The following HEATR4 variants were observed in gnomAD, a reference collection of about 807,000 sequenced individuals.
HEATR4 encodes HEAT repeat containing 4.
HEATR4 carries 95 observed loss-of-function variants against 108.8 expected under a neutral mutation model. The ratio of observed to expected loss-of-function variants is 0.87; its 90% CI spans 0.74 to 1.04. HEATR4 has a LOEUF of 1.04. Ranked by LOEUF, HEATR4 falls within the 50% of genes least tolerant of loss-of-function variation. The pLI is 0.00. For missense variants in HEATR4, 1,152 were observed against 1,253.8 expected (o/e 0.92, Z 1.23); for synonymous variants, 443 against 459.4 (o/e 0.96, Z 0.46).
Position 73,523,186 on chromosome 14 carries a change from C to T in HEATR4, c.-34G>A. The T allele has an allele frequency of 2.0e-6, 3 of 1,529,230 alleles. No homozygotes were observed. Among genetic ancestry groups the T allele is most frequent in the Non-Finnish European group, 2.6e-6 (3 of 1,143,272 alleles). 94.7% of individuals were successfully genotyped at this position (1,529,230 alleles called of 1,614,324 possible). A position where few individuals can be genotyped will look rare whatever the true frequency, so the allele number is the denominator to read the frequency against. ...CCAGCAAATGCTTCCTTCCACACTG[C>T]CTGGCCTAGAGGAAAGGCCTGGAGA... On this transcript the variant is annotated 5_prime_UTR_variant, in exon 3 of 18. Coordinates refer to ENST00000553558, the MANE Select transcript of HEATR4 (RefSeq NM_001220484.1).
intron 1 of HEATR4, among the ~76,000 whole-genome samples, chr14:73,551,163 CAA>C (rs1193889398): frequency 7.2e-5 from 6 of 83,246 alleles, no homozygotes; most frequent in Non-Finnish European, 1.0e-4. Flanking sequence ...GACTCCGTCT[CAA>C]AAAAAAAAAA....
chr14:73,579,265 TAAAAAAAAA>T, the HEATR4 span, among the ~76,000 whole-genome samples: 5,847 of 70,916 alleles, frequency 0.082, 223 homozygotes, highest in African/African-American at 0.14. Flanking sequence ...TCAAAAAAAT[TAAAAAAAAA>T]AAAAAAAAAA....
At chr14:73,590,409 G>A in the HEATR4 span, among the ~76,000 whole-genome samples, 2 of 152,274 alleles carry the variant, frequency 1.3e-5, no homozygotes, top group Non-Finnish European at 2.9e-5. Context: ...GAGTCCAGCT[G>A]GCTTCACCCA....
At chr14:73,572,381 A>T in the HEATR4 span, among the ~76,000 whole-genome samples, 21,690 of 151,936 alleles carry the variant, frequency 0.14, 2,336 homozygotes, top group Non-Finnish European at 0.22. Flanking sequence ...TCTCCAAACC[A>T]CTGTTGAGTG....
intron 7 of HEATR4, among the ~76,000 whole-genome samples, chr14:73,510,748 C>G (rs1440623206): frequency 6.6e-6 from 1 of 152,090 alleles, no homozygotes; most frequent in Non-Finnish European, 1.5e-5. Flanking sequence ...GGCTGCAGTT[C>G]TTGAGGCTGT....
chr14:73,630,462 T>A, the HEATR4 span, among the ~76,000 whole-genome samples: 1 of 152,220 alleles, frequency 6.6e-6, no homozygotes, highest in Non-Finnish European at 1.5e-5. Context: ...CCTACAACTG[T>A]CTTGGTAAAT....
Position 73,537,526 on chromosome 14 carries a change from C to T in HEATR4, c.-151-7282G>A, listed in dbSNP as rs1405771176. On this transcript the variant is annotated intron_variant, in intron 1 of 17. Transcript: ENST00000553558. ...CCCCGGAGCAGCCGGTCACGCTGCGCGCGTCCCTGCGCGACGAGAAGGGCG... is the reference window on the plus strand; with the variant it reads ...CCCCGGAGCAGCCGGTCACGCTGCGTGCGTCCCTGCGCGACGAGAAGGGCG... The T allele has an allele frequency of 2.5e-6, 3 of 1,209,994 alleles. 1 individual carries two copies. The Admixed American group carries it at 8.2e-5, about 33-fold the overall frequency. The allele number at this position is 1,209,994 out of a possible 1,614,324, so 75.0% of individuals were successfully genotyped here. A position where few individuals can be genotyped will look rare whatever the true frequency, so the allele number is the denominator to read the frequency against.
At chr14:73,595,791 G>T in the HEATR4 span, 2 of 1,124,820 alleles carry the variant, frequency 1.8e-6, no homozygotes, top group Non-Finnish European at 2.4e-6. Context: ...TAACTTTGTT[G>T]AATAAGCTTT....
At chr14:73,580,141 G>A in the HEATR4 span, among the ~76,000 whole-genome samples, 2 of 151,908 alleles carry the variant, frequency 1.3e-5, no homozygotes, top group Non-Finnish European at 2.9e-5. Context: ...GCAGGGGGTT[G>A]TTTTTGTTTT....
At chr14:73,496,768 A>G in intron 14 of HEATR4, 89 bp from the exon 15 acceptor site, 1 of 743,824 alleles carries the variant, frequency 1.3e-6, no homozygotes, top group Non-Finnish European at 2.4e-6. Context: ...GAATCAGGTA[A>G]GAATCCCAAG....
Position 73,492,052 on chromosome 14 carries a change from G to C in HEATR4, c.2844+1014C>G. ...TTGCCCCCCACTACGACGACATCGAGGCCTTCGTGCTGCAGCTGGAAGGTA... is the reference window on the plus strand; with the variant it reads ...TTGCCCCCCACTACGACGACATCGACGCCTTCGTGCTGCAGCTGGAAGGTA... On this transcript the variant is annotated intron_variant, in intron 17 of 17. Transcript: ENST00000553558. The surrounding 1 kb of genome is among the most constrained non-coding windows in gnomAD (Gnocchi z 4.9). 6.2e-7 allele frequency: 1 copy of C among 1,613,992 alleles called. No individual in the cohort carries two copies. The highest frequency in any genetic ancestry group is 1.3e-5 in the African/African-American group (1 of 75,048).
the HEATR4 span, chr14:73,569,954 T>A: frequency 6.6e-7 from 1 of 1,509,726 alleles, no homozygotes; most frequent in Non-Finnish European, 8.8e-7. Flanking sequence ...GCCCCACGCT[T>A]TTCGCTTATG....
At chr14:73,590,279 C>T in the HEATR4 span, among the ~76,000 whole-genome samples, 1 of 152,182 alleles carries the variant, frequency 6.6e-6, no homozygotes, top group Non-Finnish European at 1.5e-5. Flanking sequence ...ACTAGATTAG[C>T]TAGATACAGA....
chr14:73,485,123 C>G (rs549045616), intron 17 of HEATR4, among the ~76,000 whole-genome samples: 1 of 151,792 alleles, frequency 6.6e-6, no homozygotes, highest in Non-Finnish European at 1.5e-5. Context: ...GAGATTGCAC[C>G]ACTGCACTCC....
chr14:73,588,545 A>G, the HEATR4 span, among the ~76,000 whole-genome samples: 1 of 152,178 alleles, frequency 6.6e-6, no homozygotes, highest in African/African-American at 2.4e-5. Flanking sequence ...GCCAACTTCA[A>G]CATTCGATGA....
chr14:73,592,466 C>A, the HEATR4 span: 2 of 1,448,380 alleles, frequency 1.4e-6, no homozygotes, highest in Non-Finnish European at 1.8e-6. Flanking sequence ...CCTGAGTCTC[C>A]GTTTGTTTCC....
Position 73,535,492 on chromosome 14 carries a change from T to C in HEATR4, c.-151-5248A>G, listed in dbSNP as rs1479731096. Among the ~76,000 whole-genome samples, 27 of 38,182 alleles carry C rather than the reference T, an allele frequency of 7.1e-4. 5 individuals are homozygous for C. Among genetic ancestry groups the C allele is most frequent in the African/African-American group, 2.3e-3 (20 of 8,594 alleles). 25.0% of individuals were successfully genotyped at this position (38,182 alleles called of 152,430 possible). On this transcript the variant is annotated intron_variant, in intron 1 of 17. Transcript: ENST00000553558. The stretch of plus-strand genomic sequence containing the variant: ...TTCTTTTTTTTTTTTTTTTTTTTTT[T>C]TTTTTTTTTTTTTTTGCCCAGGCTG...
At chr14:73,542,598 G>T (rs1452605590) in intron 1 of HEATR4, among the ~76,000 whole-genome samples, 1 of 106,144 alleles carries the variant, frequency 9.4e-6, no homozygotes, top group Non-Finnish European at 2.0e-5. Context: ...TAGAGACAGG[G>T]TTTCACCATA....
intron 5 of HEATR4, among the ~76,000 whole-genome samples, chr14:73,514,970 A>C (rs1298570997): frequency 6.6e-6 from 1 of 151,832 alleles, no homozygotes; most frequent in Non-Finnish European, 1.5e-5. Context: ...TGAGAGGCTG[A>C]GGCAGGAGAA....
Sources: allele counts gnomAD v4.1 joint callset (sites outside exome capture counted in the v4.1 genomes callset), GRCh38; gene constraint gnomAD v4.1.1; non-coding constraint Gnocchi (gnomAD v3.1); transcripts MANE v1.5; gene names NCBI Gene and HGNC (gene_info 2026-07-23, HGNC 2026-07-21).